MFSD12: variants seen among roughly 807,000 people sequenced by gnomAD.
The protein encoded by MFSD12 is major facilitator superfamily domain containing 12.
MFSD12 carries 67 observed loss-of-function variants against 51.2 expected under a neutral mutation model. The ratio of observed to expected loss-of-function variants is 1.31; its 90% CI spans 1.08 to 1.60. The LOEUF (loss-of-function observed/expected upper bound fraction) is 1.60. Among genes scored for constraint, MFSD12 ranks in the 40% most tolerant of loss-of-function variants. The pLI, the probability that MFSD12 is intolerant of heterozygous loss-of-function variation, is 0.00. For missense variants in MFSD12, 921 were observed against 673.0 expected (o/e 1.37, Z -4.08); for synonymous variants, 441 against 316.7 (o/e 1.39, Z -4.17).
intron 8 of MFSD12, 104 bp from the exon 9 acceptor site, chr19:3,545,043 T>A: frequency 7.0e-7 from 1 of 1,432,126 alleles, no homozygotes; most frequent in Non-Finnish European, 9.3e-7. Context: ...CTCCGTCCTG[T>A]CCAATCCAGG....
In MFSD12 at chr19:3,546,130, C is replaced by G. The variant is rs2031013610; in HGVS notation, c.1233G>C (p.Leu411Phe). ...CTGCCAGCCCATTGGCCACCTTATC[C>G]AAGAAGCTCATGGAGCCGTACACGA... ...GAFVYGSMSFLDKVANGLAVM... is the reference protein window; with the variant it reads ...GAFVYGSMSFFDKVANGLAVM... Residue 411 changes from leucine (L) to phenylalanine (F), a missense_variant, in exon 8 of 10, where the codon TTG becomes TTC. Leu to Phe is a conservative substitution (Grantham distance 22). Transcript: ENST00000355415. 2 of 1,613,336 alleles carry G rather than the reference C, an allele frequency of 1.2e-6. No individual in the cohort carries two copies. The highest frequency in any genetic ancestry group is 1.7e-6 in the Non-Finnish European group (2 of 1,180,002).
chr19:3,543,129 C>T (rs767398755), downstream of MFSD12: 30 of 1,511,978 alleles, frequency 2.0e-5, no homozygotes, highest in Admixed American at 1.2e-4. Flanking sequence ...GGAGACCCCA[C>T]GCCGTGGGCC....
At chr19:3,543,862 T>G (rs771039633), downstream of MFSD12, 1 of 1,548,542 alleles carries the variant, frequency 6.5e-7, no homozygotes, top group East Asian at 2.4e-5. Flanking sequence ...GTGGAGCCAC[T>G]GTGGAGGGCA....
chr19:3,542,914 G>A (rs376672014), downstream of MFSD12: 4 of 1,437,788 alleles, frequency 2.8e-6, no homozygotes, highest in Non-Finnish European at 2.8e-6. Context: ...GACAAGGACT[G>A]TAGGAATCCA....
chr19:3,545,712 G>T (rs960141723), intron 8 of MFSD12, among the ~76,000 whole-genome samples: 3 of 152,230 alleles, frequency 2.0e-5, no homozygotes. Flanking sequence ...TGGTTTCCAG[G>T]CCCTGGGCCT....
In MFSD12 at chr19:3,548,229, C is replaced by A; in HGVS notation, c.548G>T (p.Gly183Val). 6.4e-7 allele frequency: 1 copy of A among 1,553,052 alleles called. No individual in the cohort carries two copies. The highest frequency in any genetic ancestry group is 8.7e-7 in the Non-Finnish European group (1 of 1,149,254). ...FTVVANITVY[G>V]AAWLLLHLQG... ...CAGGTGCAGCAGGAGCCAGGCGGCGCCGTAGACGGTGATGTTGGCCACCAC... is the reference window on the plus strand; with the variant it reads ...CAGGTGCAGCAGGAGCCAGGCGGCGACGTAGACGGTGATGTTGGCCACCAC... The change falls in exon 3 of 10, where the codon GGC becomes GTC. Residue 183 changes from glycine to valine, a missense_variant. Physicochemically the swap from Gly to Val is moderately radical, Grantham distance 109 (BLOSUM62 -3). Transcript: ENST00000355415.
intron 1 of MFSD12, among the ~76,000 whole-genome samples, 163 bp downstream of exon 1, chr19:3,556,943 G>A (rs544529950): frequency 9.5e-4 from 145 of 152,136 alleles, no homozygotes; most frequent in Admixed American, 1.4e-3. Flanking sequence ...TTAAGGCCGT[G>A]GACAGACAGT....
In MFSD12 at chr19:3,544,543, G is replaced by A. The variant is rs1050194892; in HGVS notation, c.*167C>T. On this transcript the variant is annotated 3_prime_UTR_variant, in exon 10 of 10. Coordinates refer to ENST00000355415, the MANE Select transcript of MFSD12 (RefSeq NM_174983.5). Reference sequence around the variant, plus strand: ...GGGGGTCCTTGCAAGTCCCTGGCGGGCATCCCTGCTGCCCTCACCCGACCC... The same window carrying A: ...GGGGGTCCTTGCAAGTCCCTGGCGGACATCCCTGCTGCCCTCACCCGACCC... 4 of 1,412,792 alleles carry A rather than the reference G, an allele frequency of 2.8e-6. No individual in the cohort carries two copies. Among genetic ancestry groups the A allele is most frequent in the Admixed American group, 5.8e-5 (2 of 34,362 alleles). The allele number at this position is 1,412,792 out of a possible 1,614,324, so 87.5% of individuals were successfully genotyped here.
chr19:3,544,555 C>T lies in MFSD12; in HGVS notation c.*155G>A. 2.1e-6 allele frequency: 3 copies of T among 1,436,488 alleles called. No homozygotes were observed. The South Asian group carries it at 4.5e-5, about 21-fold the overall frequency. 89.0% of individuals were successfully genotyped at this position (1,436,488 alleles called of 1,614,324 possible). A position where few individuals can be genotyped will look rare whatever the true frequency, so the allele number is the denominator to read the frequency against. On this transcript the variant is annotated 3_prime_UTR_variant, in exon 10 of 10. Transcript: ENST00000355415. ...AAGTCCCTGGCGGGCATCCCTGCTG[C>T]CCTCACCCGACCCCACCCCCGGGAG...
intron 1 of MFSD12, among the ~76,000 whole-genome samples, chr19:3,554,632 CACA>C (rs1381338886): frequency 6.6e-6 from 1 of 152,200 alleles, no homozygotes; most frequent in African/African-American, 2.4e-5. Context: ...CGCCCCTCCA[CACA>C]CTGCTACCCA....
intron 7 of MFSD12, 38 bp from the exon 8 acceptor site, chr19:3,546,206 G>A (rs191726294): frequency 0.013 from 20,694 of 1,608,558 alleles, 197 homozygotes; most frequent in Non-Finnish European, 0.015. Flanking sequence ...CGTGCACCCC[G>A]AGATCTAGGA....
At chr19:3,542,143 T>C, downstream of MFSD12, 1 of 985,406 alleles carries the variant, frequency 1.0e-6, no homozygotes, top group Non-Finnish European at 1.2e-6. Context: ...TTTTAAAAGC[T>C]ACATGTGTCT....
In MFSD12 at chr19:3,544,311, C is replaced by T. The variant is rs887306733; in HGVS notation, c.*399G>A. The T allele has an allele frequency of 2.4e-6, 3 of 1,275,452 alleles. No individual in the cohort carries two copies. Among genetic ancestry groups the T allele is most frequent in the East Asian group, 3.1e-5 (1 of 32,144 alleles). 79.0% of individuals were successfully genotyped at this position (1,275,452 alleles called of 1,614,324 possible). ...CCCACCACCCCGTGGCTGTCTCCTC[C>T]AGGCTCCAGCCGTCCTGAGGGGGCC... is the stretch of plus-strand genomic sequence containing the variant. On this transcript the variant is annotated 3_prime_UTR_variant, in exon 10 of 10. Transcript: ENST00000355415.
chr19:3,543,890 CCT>C (rs1261539654), downstream of MFSD12: 7 of 1,550,862 alleles, frequency 4.5e-6, no homozygotes, highest in South Asian at 8.3e-5. Flanking sequence ...ACGTGCCCTC[CCT>C]GTCGGCACCC....
At chr19:3,538,633 G>A (rs1350193245) in exon 5 of MFSD12, 7 of 324,756 alleles carry the variant, frequency 2.2e-5, no homozygotes, top group African/African-American at 2.0e-4. Context: ...CCTTGTGGCT[G>A]AGTCTCGTTC....
intron 2 of MFSD12, among the ~76,000 whole-genome samples, chr19:3,550,057 T>C (rs1454338253): frequency 1.1e-5 from 1 of 92,988 alleles, no homozygotes; most frequent in East Asian, 2.9e-4. Flanking sequence ...GCAGCCACCG[T>C]GATCTCCACA....
At chr19:3,550,006 C>T (rs1219606456) in intron 2 of MFSD12, among the ~76,000 whole-genome samples, 1 of 152,168 alleles carries the variant, frequency 6.6e-6, no homozygotes, top group Non-Finnish European at 1.5e-5. Flanking sequence ...GGGCTTAGGG[C>T]TTCCTGGGAT....
intron 1 of MFSD12, among the ~76,000 whole-genome samples, chr19:3,555,410 T>G (rs906876892): frequency 3.3e-5 from 5 of 152,002 alleles, no homozygotes; most frequent in African/African-American, 1.2e-4. Context: ...GCCCAGAAAT[T>G]ATCTTACGCG....
At chr19:3,556,115 C>T (rs551540705) in intron 1 of MFSD12, among the ~76,000 whole-genome samples, 61 of 152,332 alleles carry the variant, frequency 4.0e-4, no homozygotes, top group Admixed American at 6.5e-4. Context: ...CCCACCCAGG[C>T]GGCTCCCAAC....
Sources: allele counts gnomAD v4.1 joint callset (sites outside exome capture counted in the v4.1 genomes callset), GRCh38; gene constraint gnomAD v4.1.1; transcripts MANE v1.5; gene names NCBI Gene and HGNC (gene_info 2026-07-23, HGNC 2026-07-21).